Variants in TAX1BP1 observed in about 807,000 individuals in gnomAD.
TAX1BP1 encodes the protein Tax1 binding protein 1, also known as tax1-binding protein 1.
Under a neutral mutation model 97.7 loss-of-function variants are expected in TAX1BP1, and 62 were observed. That is an observed-to-expected ratio of 0.63 (90% confidence interval 0.52 to 0.78). The LOEUF (loss-of-function observed/expected upper bound fraction) is 0.78, where lower values mean the gene tolerates loss of function less well. TAX1BP1 is among the 30% of genes least tolerant of loss of function. The probability of loss-of-function intolerance (pLI) is 0.00; values close to 1 mark genes in which losing one functional copy is unlikely to be tolerated. For synonymous variants in TAX1BP1, 340 were observed against 304.2 expected (o/e 1.12, Z -1.23); for missense variants, 867 against 916.1 (o/e 0.95, Z 0.69).
At chr7:27,743,961 G>T (rs60806507) in intron 1 of TAX1BP1, among the ~76,000 whole-genome samples, 2 of 10,134 alleles carry the variant, frequency 2.0e-4, no homozygotes, top group African/African-American at 1.7e-3. Context: ...GCCCGCCACC[G>T]CGCCCGGCTA....
At chr7:27,791,035 T>A (rs1789685485) in intron 8 of TAX1BP1, among the ~76,000 whole-genome samples, 1 of 152,154 alleles carries the variant, frequency 6.6e-6, no homozygotes, top group Non-Finnish European at 1.5e-5. Flanking sequence ...AAAAGTTATT[T>A]ATATCAAGTA....
At chr7:27,822,319 C>A (rs996241174) in intron 15 of TAX1BP1, among the ~76,000 whole-genome samples, 5 of 152,054 alleles carry the variant, frequency 3.3e-5, no homozygotes, top group Non-Finnish European at 7.4e-5. Context: ...GTTTTCATAC[C>A]TTTTTACTTC....
At position 27,802,542 on chromosome 7, in the gene TAX1BP1, G is replaced by A. The variant is rs141513777; in HGVS notation, c.1764+2452G>A. ...TGAATGAATGATTTAGAGACTGAAA[G>A]TGTTGGGGAGTGGAGAAAGAGGAAA... On this transcript the variant is annotated intron_variant, in intron 13 of 16. Coordinates refer to ENST00000396319, the MANE Select transcript of TAX1BP1 (RefSeq NM_006024.7). Among the ~76,000 whole-genome samples the A allele has an allele frequency of 3.8e-4, 58 of 152,350 alleles. No homozygotes were observed. The East Asian group carries it at 0.01, about 27-fold the overall frequency.
At chr7:27,778,193 A>G (rs1488345088) in intron 5 of TAX1BP1, among the ~76,000 whole-genome samples, 1 of 152,180 alleles carries the variant, frequency 6.6e-6, no homozygotes, top group Non-Finnish European at 1.5e-5. Context: ...GGAATGAAAA[A>G]TGTACACTGC....
At chr7:27,742,305 G>A (rs1266094020) in intron 1 of TAX1BP1, among the ~76,000 whole-genome samples, 2 of 152,186 alleles carry the variant, frequency 1.3e-5, no homozygotes, top group Admixed American at 1.3e-4. Context: ...GCTTTCCTAG[G>A]CAGAGGTCCC....
At chr7:27,753,778 G>C (rs1788107789) in intron 2 of TAX1BP1, among the ~76,000 whole-genome samples, 3 of 152,206 alleles carry the variant, frequency 2.0e-5, no homozygotes, top group African/African-American at 7.2e-5. Context: ...AAAGTTATGT[G>C]AATGTGGTTT....
At chr7:27,759,024 C>G (rs1159153513) in intron 3 of TAX1BP1, among the ~76,000 whole-genome samples, 1 of 151,696 alleles carries the variant, frequency 6.6e-6, no homozygotes. Context: ...AGAGATCTAT[C>G]ACAGAATTTG....
intron 1 of TAX1BP1, 137 bp from the exon 2 acceptor site, chr7:27,748,381 G>T: frequency 1.8e-6 from 1 of 548,908 alleles, no homozygotes. Context: ...AGAAGTTCCA[G>T]TATTTACAAA....
At chr7:27,823,533 C>G (rs1791057980) in intron 15 of TAX1BP1, among the ~76,000 whole-genome samples, 1 of 152,172 alleles carries the variant, frequency 6.6e-6, no homozygotes, top group African/African-American at 2.4e-5. Context: ...GAGAGTCCCA[C>G]AGTCTGGATA....
intron 15 of TAX1BP1, among the ~76,000 whole-genome samples, chr7:27,819,108 A>G (rs988387555): frequency 1.3e-5 from 2 of 152,184 alleles, no homozygotes; most frequent in African/African-American, 4.8e-5. Context: ...TCCCTCATCA[A>G]CGTTGTAATG....
chr7:27,822,405 G>T (rs917549611), intron 15 of TAX1BP1, among the ~76,000 whole-genome samples: 4 of 152,082 alleles, frequency 2.6e-5, no homozygotes, highest in African/African-American at 9.7e-5. Flanking sequence ...GGAACTGCTG[G>T]GTCATGTGGT....
intron 15 of TAX1BP1, among the ~76,000 whole-genome samples, chr7:27,821,926 G>C (rs1030899214): frequency 6.6e-6 from 1 of 152,090 alleles, no homozygotes. Flanking sequence ...TCATAAAATT[G>C]TTATCTTTTG....
At chr7:27,762,671 A>G (rs1788471291) in intron 3 of TAX1BP1, among the ~76,000 whole-genome samples, 1 of 152,214 alleles carries the variant, frequency 6.6e-6, no homozygotes, top group Admixed American at 6.5e-5. Flanking sequence ...TTTTTGGGCC[A>G]GACATGGTGG....
At chr7:27,826,235 C>A (rs756292461) in intron 15 of TAX1BP1, among the ~76,000 whole-genome samples, 1 of 152,198 alleles carries the variant, frequency 6.6e-6, no homozygotes, top group Non-Finnish European at 1.5e-5. Context: ...CGTGTTTTAT[C>A]TCCCAATTTA....
At chr7:27,811,379 T>G (rs1790554384) in intron 13 of TAX1BP1, among the ~76,000 whole-genome samples, 1 of 152,218 alleles carries the variant, frequency 6.6e-6, no homozygotes, top group East Asian at 1.9e-4. Flanking sequence ...TGCATTTTTC[T>G]TAATGTTTGC....
intron 2 of TAX1BP1, among the ~76,000 whole-genome samples, chr7:27,749,563 A>G (rs549644077): frequency 1.3e-5 from 2 of 152,384 alleles, no homozygotes; most frequent in African/African-American, 4.8e-5. Context: ...GAAAGTGTCT[A>G]GAAGTAAAAG....
At chr7:27,799,837 T>G (rs1790065784) in intron 12 of TAX1BP1, 128 bp from the exon 13 acceptor site, 1 of 573,244 alleles carries the variant, frequency 1.7e-6, no homozygotes, top group South Asian at 5.6e-5. Context: ...AGACATTTGA[T>G]TATTCCAATT....
At chr7:27,788,267 TATA>T (rs1357712174) in intron 8 of TAX1BP1, among the ~76,000 whole-genome samples, 1 of 152,076 alleles carries the variant, frequency 6.6e-6, no homozygotes, top group Non-Finnish European at 1.5e-5. Flanking sequence ...TCAAAAGTTA[TATA>T]ATGTCAATTT....
At chr7:27,778,102 G>A (rs757191154) in intron 5 of TAX1BP1, among the ~76,000 whole-genome samples, 13 of 152,154 alleles carry the variant, frequency 8.5e-5, no homozygotes, top group South Asian at 8.3e-4. Flanking sequence ...TTTTCTGCAC[G>A]TATTTGGCAT....
Sources: allele counts gnomAD v4.1 joint callset (sites outside exome capture counted in the v4.1 genomes callset), GRCh38; gene constraint gnomAD v4.1.1; transcripts MANE v1.5; gene names NCBI Gene and HGNC (gene_info 2026-07-23, HGNC 2026-07-21).